FAM133A: variants seen among roughly 807,000 people sequenced by gnomAD.
The protein encoded by FAM133A is family with sequence similarity 133 member A.
For synonymous variants in FAM133A, 65 were observed against 58.6 expected (o/e 1.11, Z -0.50); for missense variants, 159 against 164.4 (o/e 0.97, Z 0.18).
At chrX:93,675,700 T>A (rs902588737) in intron 2 of FAM133A, among the ~76,000 whole-genome samples, 2 of 111,552 alleles carry the variant, frequency 1.8e-5, no homozygotes, top group African/African-American at 6.5e-5. Flanking sequence ...AATTTACAGT[T>A]CCAACAGTGC....
intron 2 of FAM133A, among the ~76,000 whole-genome samples, chrX:93,692,122 A>G (rs1162070517): frequency 9.0e-6 from 1 of 111,310 alleles, no homozygotes; most frequent in African/African-American, 3.3e-5. Flanking sequence ...ATTTTTTTGG[A>G]TTTTGAAGTA....
intron 3 of FAM133A, among the ~76,000 whole-genome samples, chrX:93,707,129 G>A (rs1927091214): frequency 8.9e-6 from 1 of 112,166 alleles, no homozygotes; most frequent in Admixed American, 9.5e-5. Flanking sequence ...TATTGTAAGT[G>A]TCAAGTAACA....
rs778761063 is a variant in FAM133A at position 93,709,429 on chromosome X, C to T, written c.10C>T (p.Arg4Trp). The change falls in exon 4 of 4, where the codon CGG becomes TGG. Residue 4 changes from arginine to tryptophan, a missense_variant. Arg to Trp is a moderately radical substitution (Grantham distance 101). Transcript: ENST00000683942. ...GGAAACATCAGGCACCATGGGGAAG[C>T]GGGATAATCGGGTAGCCTATATGAA... MGK[R>W]DNRVAYMNPI... 6 of 1,151,449 alleles carry T rather than the reference C, an allele frequency of 5.2e-6. No individual in the cohort carries two copies. Among genetic ancestry groups the T allele is most frequent in the East Asian group, 3.1e-5 (1 of 32,118 alleles). 94.9% of individuals were successfully genotyped at this position (1,151,449 alleles called of 1,213,427 possible).
At chrX:93,686,638 T>C (rs1367687338) in intron 2 of FAM133A, among the ~76,000 whole-genome samples, 2 of 112,129 alleles carry the variant, frequency 1.8e-5, no homozygotes, top group Non-Finnish European at 3.8e-5. Flanking sequence ...AGTCTAATCA[T>C]GATGTTGAGG....
chrX:93,679,533 G>T (rs1033675775), intron 2 of FAM133A, among the ~76,000 whole-genome samples: 8 of 110,547 alleles, frequency 7.2e-5, no homozygotes, highest in Non-Finnish European at 1.3e-4. Context: ...TCCCAATTTG[G>T]ATATTTAACA....
chrX:93,679,378 T>C (rs761384742), intron 2 of FAM133A, among the ~76,000 whole-genome samples: 1 of 111,577 alleles, frequency 9.0e-6, no homozygotes, highest in African/African-American at 3.2e-5. Flanking sequence ...AATACAGATA[T>C]ACTCAAATTA....
rs1189620411 is a variant in FAM133A, at chrX:93,710,920, A to G, written c.*754A>G. ...ATTACAATATTACATGATTTGAAATAACTTTATACCCATTTTGTATGGGAA... is the reference window on the plus strand; with the variant it reads ...ATTACAATATTACATGATTTGAAATGACTTTATACCCATTTTGTATGGGAA... On this transcript the variant is annotated 3_prime_UTR_variant, in exon 4 of 4. Coordinates refer to ENST00000683942, the MANE Select transcript of FAM133A (RefSeq NM_001171109.2). The G allele has an allele frequency of 1.6e-5, 2 of 123,215 alleles. No individual in the cohort carries two copies. The highest frequency in any genetic ancestry group is 3.2e-5 in the African/African-American group (1 of 30,793). 10.2% of individuals were successfully genotyped at this position (123,215 alleles called of 1,213,427 possible). A position where few individuals can be genotyped will look rare whatever the true frequency, so the allele number is the denominator to read the frequency against.
At chrX:93,697,189 AT>A (rs1404719059) in intron 2 of FAM133A, among the ~76,000 whole-genome samples, 42 of 42,983 alleles carry the variant, frequency 9.8e-4, no homozygotes, top group African/African-American at 1.5e-3. Context: ...ATATATATAT[AT>A]AATATATCAT....
intron 2 of FAM133A, among the ~76,000 whole-genome samples, chrX:93,688,731 T>C (rs1187546731): frequency 9.0e-6 from 1 of 111,572 alleles, no homozygotes; most frequent in Admixed American, 9.6e-5. Flanking sequence ...TAGCACTATA[T>C]TGATTGCTTT....
intron 2 of FAM133A, among the ~76,000 whole-genome samples, chrX:93,695,634 C>CTTTTTTTTTTT (rs759503397): frequency 2.1e-5 from 1 of 48,369 alleles, no homozygotes; most frequent in Non-Finnish European, 3.6e-5. Flanking sequence ...CAGGAATCTG[C>CTTTTTTTTTTT]TTTTTTTTTT....
chrX:93,695,802 T>C (rs745906570), intron 2 of FAM133A, among the ~76,000 whole-genome samples: 3 of 108,204 alleles, frequency 2.8e-5, no homozygotes, highest in South Asian at 4.2e-4. Flanking sequence ...CCACCACGCC[T>C]GGCTAATTTT....
chrX:93,696,742 C>T (rs1409586126), intron 2 of FAM133A, among the ~76,000 whole-genome samples: 1 of 109,973 alleles, frequency 9.1e-6, no homozygotes, highest in African/African-American at 3.3e-5. Flanking sequence ...AACACAGTGA[C>T]ACCCCGTCTC....
At chrX:93,689,946 G>A (rs1238769799) in intron 2 of FAM133A, among the ~76,000 whole-genome samples, 2 of 110,531 alleles carry the variant, frequency 1.8e-5, no homozygotes. Context: ...CCACTAATAG[G>A]TATGGGAAAA....
chrX:93,689,045 C>T (rs1027907120), intron 2 of FAM133A, among the ~76,000 whole-genome samples: 17 of 77,021 alleles, frequency 2.2e-4, no homozygotes, highest in African/African-American at 7.1e-4. Context: ...TAATAGGTAA[C>T]AGCAATTTTT....
At chrX:93,697,190 T>TATATAA (rs1176351541) in intron 2 of FAM133A, among the ~76,000 whole-genome samples, 32 of 97,834 alleles carry the variant, frequency 3.3e-4, no homozygotes, top group Middle Eastern at 5.3e-3. Flanking sequence ...TATATATATA[T>TATATAA]AATATATCAT....
At chrX:93,684,773 AAAAC>A (rs1279948872) in intron 2 of FAM133A, among the ~76,000 whole-genome samples, 41 of 108,497 alleles carry the variant, frequency 3.8e-4, no homozygotes, top group African/African-American at 1.5e-3. Context: ...TATAATTAAA[AAAAC>A]AAACATTTAA....
At chrX:93,705,103 T>G (rs1017977574) in intron 3 of FAM133A, among the ~76,000 whole-genome samples, 3 of 111,609 alleles carry the variant, frequency 2.7e-5, no homozygotes, top group African/African-American at 9.8e-5. Context: ...ATATACTCAT[T>G]TGTTTCATAT....
chrX:93,675,574 G>T (rs916425025), intron 2 of FAM133A, among the ~76,000 whole-genome samples: 1 of 111,307 alleles, frequency 9.0e-6, no homozygotes, highest in Middle Eastern at 4.3e-3. Context: ...CTATGCACTT[G>T]TGAAAATTGG....
In FAM133A at chrX:93,710,208, G is replaced by A. The variant is rs966128045; in HGVS notation, c.*42G>A. On this transcript the variant is annotated 3_prime_UTR_variant, in exon 4 of 4. Transcript: ENST00000683942. ...AAGAATGAGTTTGCCGAGTTCCCCT[G>A]TGTTAGTAGAATTATTTCTGGACTT... is the stretch of plus-strand genomic sequence containing the variant. The A allele has an allele frequency of 7.2e-6, 8 of 1,117,047 alleles. No individual in the cohort carries two copies. The highest frequency in any genetic ancestry group is 5.6e-5 in the African/African-American group (3 of 53,164). The allele number at this position is 1,117,047 out of a possible 1,213,427, so 92.1% of individuals were successfully genotyped here. A position where few individuals can be genotyped will look rare whatever the true frequency, so the allele number is the denominator to read the frequency against.
Sources: gnomAD v4.1 joint callset for allele counts (sites outside exome capture counted in the v4.1 genomes callset) on GRCh38, gnomAD v4.1.1 for gene constraint, MANE v1.5 for transcripts, NCBI Gene and HGNC (gene_info 2026-07-23, HGNC 2026-07-21) for gene names.